The following MAPRE2 variants were observed in gnomAD, a reference collection of about 807,000 sequenced individuals.
MAPRE2 encodes microtubule-associated protein RP/EB family member 2.
MAPRE2 carries 13 observed loss-of-function variants against 43.2 expected under a neutral mutation model. The observed-to-expected ratio is 0.30, with a 90% CI of 0.20 to 0.48. MAPRE2 has a LOEUF of 0.48. Among genes scored for constraint, MAPRE2 ranks in the 20% least tolerant of loss-of-function variants. MAPRE2 has a pLI of 0.99. For synonymous variants in MAPRE2, 135 were observed against 148.8 expected (o/e 0.91, Z 0.68); for missense variants, 161 against 400.2 (o/e 0.40, Z 5.10).
intron 1 of MAPRE2, among the ~76,000 whole-genome samples, chr18:35,047,031 G>C (rs1437714672): frequency 6.6e-6 from 1 of 152,156 alleles, no homozygotes; most frequent in Non-Finnish European, 1.5e-5. Context: ...GTTCCGATGT[G>C]GCTGATGAAA....
At chr18:35,003,169 A>C (rs1263558426) in intron 1 of MAPRE2, among the ~76,000 whole-genome samples, 2 of 152,180 alleles carry the variant, frequency 1.3e-5, no homozygotes, top group East Asian at 1.9e-4. Flanking sequence ...CAAAGGCTGC[A>C]TGGGAAGGCT....
intron 4 of MAPRE2, among the ~76,000 whole-genome samples, chr18:35,118,367 C>A (rs1054022528): frequency 6.6e-6 from 1 of 152,196 alleles, no homozygotes; most frequent in Middle Eastern, 3.2e-3. Flanking sequence ...CTTAAGCCCT[C>A]CCCTTGGAAT....
chr18:35,103,150 T>C (rs1037935994), intron 4 of MAPRE2, among the ~76,000 whole-genome samples: 6 of 152,308 alleles, frequency 3.9e-5, no homozygotes, highest in Admixed American at 1.3e-4. Flanking sequence ...GCATTACTTT[T>C]TGAAATTTTT....
At chr18:35,002,696 C>T (rs1015370419) in intron 1 of MAPRE2, among the ~76,000 whole-genome samples, 7 of 152,002 alleles carry the variant, frequency 4.6e-5, no homozygotes, top group Non-Finnish European at 7.4e-5. Flanking sequence ...ATTTGCTTTC[C>T]GTATATGTAT....
intron 4 of MAPRE2, among the ~76,000 whole-genome samples, chr18:35,114,001 A>G (rs1909296456): frequency 6.6e-6 from 1 of 152,252 alleles, no homozygotes; most frequent in Non-Finnish European, 1.5e-5. Context: ...CAGCAATTCT[A>G]AAAGACAGAT....
intron 2 of MAPRE2, among the ~76,000 whole-genome samples, chr18:35,033,215 A>G (rs2097048678): frequency 1.3e-5 from 2 of 152,230 alleles, no homozygotes; most frequent in Admixed American, 6.5e-5. Flanking sequence ...AATATACGCA[A>G]ATCAATAAAT....
At chr18:35,118,093 A>C (rs1416418120) in intron 4 of MAPRE2, among the ~76,000 whole-genome samples, 2 of 152,084 alleles carry the variant, frequency 1.3e-5, no homozygotes, top group Non-Finnish European at 1.5e-5. Context: ...GAAGGCTCAC[A>C]CTCACTGGAC....
At position 35,119,005 on chromosome 18, in the gene MAPRE2, C is replaced by T. The variant is rs761066400; in HGVS notation, c.611-7943C>T. On this transcript the variant is annotated intron_variant, in intron 4 of 6. Coordinates refer to ENST00000300249, the MANE Select transcript of MAPRE2 (RefSeq NM_014268.4). ...GTTACTCCTGCAACTGGCATGTTCCCTGCAGGGAACCTGGAAGTTGTGACT... is the reference window on the plus strand; with the variant it reads ...GTTACTCCTGCAACTGGCATGTTCCTTGCAGGGAACCTGGAAGTTGTGACT... Among the ~76,000 whole-genome samples, 8 of 152,288 alleles carry T rather than the reference C, an allele frequency of 5.3e-5. No individual in the cohort carries two copies. The South Asian group carries it at 6.2e-4, about 12-fold the overall frequency.
At position 35,101,975 on chromosome 18, in the gene MAPRE2, A is replaced by G; in HGVS notation, c.426A>G (p.Gly142=). The G allele has an allele frequency of 6.2e-7, 1 of 1,609,884 alleles. No individual in the cohort carries two copies. ...TTCCAGTGGAGAAGCTAGTGAAAGGACGTTTCCAGGACAACCTGGATTTTA... is the reference window on the plus strand; with the variant it reads ...TTCCAGTGGAGAAGCTAGTGAAAGGGCGTTTCCAGGACAACCTGGATTTTA... ...KVIPVEKLVK[G]RFQDNLDFIQ... is the part of the protein sequence containing the mutation. The change falls in exon 4 of 7, where the codon GGA becomes GGG. Residue 142 remains glycine, a synonymous_variant. Coordinates refer to ENST00000300249, the MANE Select transcript of MAPRE2 (RefSeq NM_014268.4).
intron 2 of MAPRE2, among the ~76,000 whole-genome samples, chr18:35,083,066 G>C (rs1488696096): frequency 3.3e-5 from 5 of 152,132 alleles, no homozygotes; most frequent in Admixed American, 2.6e-4. Context: ...GCCACCTACA[G>C]ATGGGCATTT....
chr18:35,034,707 G>T (rs1434022559), intron 2 of MAPRE2, among the ~76,000 whole-genome samples: 1 of 152,142 alleles, frequency 6.6e-6, no homozygotes, highest in African/African-American at 2.4e-5. Context: ...CAAAGGACAT[G>T]AACAGACACT....
At chr18:35,137,894 G>C (rs1343550471) in intron 6 of MAPRE2, among the ~76,000 whole-genome samples, 1 of 152,182 alleles carries the variant, frequency 6.6e-6, no homozygotes. Flanking sequence ...AGCATGTGGC[G>C]GGACAGACAG....
chr18:34,993,932 A>G lies in MAPRE2; in HGVS notation c.-69-11560A>G, dbSNP rs141706803. Among the ~76,000 whole-genome samples, 564 of 152,146 alleles carry G rather than the reference A, an allele frequency of 3.7e-3. 2 individuals carry two copies. Among genetic ancestry groups the G allele is most frequent in the Admixed American group, 8.9e-3 (136 of 15,280 alleles). ...TCCTAGTGTTTTAGAGCTGAGAGCAACCTTGGAGATGATCTCATTTAATGC... is the reference window on the plus strand; with the variant it reads ...TCCTAGTGTTTTAGAGCTGAGAGCAGCCTTGGAGATGATCTCATTTAATGC... On this transcript the variant is annotated intron_variant, in intron 1 of 7. Coordinates refer to the MAPRE2 transcript ENST00000413393.
chr18:35,090,731 CAAA>C (rs56812109), intron 2 of MAPRE2, among the ~76,000 whole-genome samples: 21 of 110,354 alleles, frequency 1.9e-4, no homozygotes, highest in Non-Finnish European at 3.1e-4. Context: ...GATTCGGTCT[CAAA>C]AAAAAAAAAA....
intron 3 of MAPRE2, among the ~76,000 whole-genome samples, chr18:35,099,456 T>A (rs1044168830): frequency 4.6e-5 from 7 of 151,652 alleles, no homozygotes; most frequent in Middle Eastern, 3.4e-3. Context: ...CTCTACAAAA[T>A]TTTTTTTTAA....
At chr18:35,104,984 T>G (rs921995333) in intron 4 of MAPRE2, among the ~76,000 whole-genome samples, 2 of 152,146 alleles carry the variant, frequency 1.3e-5, no homozygotes, top group Admixed American at 6.6e-5. Flanking sequence ...CAGAATATTT[T>G]CTTCCACGAT....
At chr18:35,123,084 T>C (rs1183355398) in intron 4 of MAPRE2, among the ~76,000 whole-genome samples, 3 of 152,252 alleles carry the variant, frequency 2.0e-5, no homozygotes, top group African/African-American at 7.2e-5. Context: ...CCTGCGTGTC[T>C]CACTGCTCTC....
At chr18:35,041,343 G>C, upstream of MAPRE2, 1 of 1,436,756 alleles carries the variant, frequency 7.0e-7, no homozygotes, top group South Asian at 1.4e-5. Flanking sequence ...CCAGGGTGCT[G>C]CTGCCGGCGC....
intron 6 of MAPRE2, among the ~76,000 whole-genome samples, chr18:35,137,583 A>G (rs1217079108): frequency 6.6e-6 from 1 of 152,254 alleles, no homozygotes; most frequent in African/African-American, 2.4e-5. Context: ...AGAAACAATT[A>G]TATAAAGAAA....
Sources: allele counts gnomAD v4.1 joint callset (sites outside exome capture counted in the v4.1 genomes callset), GRCh38; gene constraint gnomAD v4.1.1; transcripts MANE v1.5; gene names NCBI Gene and HGNC (gene_info 2026-07-23, HGNC 2026-07-21).